Variants in SLC29A4 observed in about 807,000 individuals in gnomAD.
SLC29A4 encodes the protein solute carrier family 29 member 4.
SLC29A4 carries 36 observed loss-of-function variants against 43.9 expected under a neutral mutation model. The ratio of observed to expected loss-of-function variants is 0.82; its 90% CI spans 0.63 to 1.08. The LOEUF (loss-of-function observed/expected upper bound fraction) is 1.08, where lower values mean the gene tolerates loss of function less well. SLC29A4 is among the 50% of genes least tolerant of loss of function. The pLI, the probability that SLC29A4 is intolerant of heterozygous loss-of-function variation, is 0.00. For synonymous variants in SLC29A4, 491 were observed against 338.0 expected (o/e 1.45, Z -4.97); for missense variants, 869 against 755.3 (o/e 1.15, Z -1.77).
At chr7:5,302,733 G>T in intron 10 of SLC29A4, 64 bp from the exon 11 acceptor site, 3 of 1,500,044 alleles carry the variant, frequency 2.0e-6, no homozygotes, top group South Asian at 2.5e-5. Flanking sequence ...CCTCACACCC[G>T]AGCAGCCGTG....
intron 5 of SLC29A4, 58 bp downstream of exon 5, chr7:5,291,879 C>T (rs1785332857): frequency 6.4e-7 from 1 of 1,564,606 alleles, no homozygotes; most frequent in African/African-American, 1.4e-5. Flanking sequence ...CCCATCCCAC[C>T]CCAGCCCTGG....
intron 2 of SLC29A4, among the ~76,000 whole-genome samples, chr7:5,288,552 A>G (rs961238651): frequency 2.0e-5 from 3 of 151,858 alleles, no homozygotes; most frequent in African/African-American, 4.8e-5. Context: ...TCGGCCTCCC[A>G]AAGTGCTAGG....
chr7:5,302,765 C>T, intron 10 of SLC29A4, 32 bp from the exon 11 acceptor site: 2 of 1,539,320 alleles, frequency 1.3e-6, no homozygotes, highest in Non-Finnish European at 1.8e-6. Context: ...GCCGCCCTGG[C>T]CCTGCTCCCC....
chr7:5,301,954 A>AT (rs199939938), intron 10 of SLC29A4, among the ~76,000 whole-genome samples: 4,173 of 151,280 alleles, frequency 0.028, 202 homozygotes, highest in African/African-American at 0.096. Context: ...GAGAGTGGAG[A>AT]TTTTTTTTTC....
intron 9 of SLC29A4, among the ~76,000 whole-genome samples, chr7:5,299,957 C>T (rs1256716702): frequency 6.6e-6 from 1 of 152,136 alleles, no homozygotes; most frequent in East Asian, 1.9e-4. Flanking sequence ...GAAGCTGAGG[C>T]AGGAGAATCG....
chr7:5,287,683 T>G, intron 1 of SLC29A4, 126 bp from the exon 2 acceptor site: 1 of 959,010 alleles, frequency 1.0e-6, no homozygotes, highest in South Asian at 1.8e-5. Context: ...CATAGCTTGC[T>G]TTGGCCAACG....
At chr7:5,297,309 TCTC>T in intron 7 of SLC29A4, 111 bp downstream of exon 7, 3 of 1,268,324 alleles carry the variant, frequency 2.4e-6, no homozygotes, top group Non-Finnish European at 2.1e-6. Context: ...CAGACTGTGG[TCTC>T]CTCCTGTGGT....
At position 5,300,649 on chromosome 7, in the gene SLC29A4, GC is replaced by G. The variant is rs1562456415; in HGVS notation, c.1438del (p.Arg480GlyfsTer8). ...CGGCAGGCAAAGTGAGCCCCAAGCA[GC>G]GGGAGCTGGCAGGTGAGGCCCGCGG... Reference protein sequence around the residue: ...LAAGKVSPKQRELAGNTMTVS... With the variant: ...LAAGKVSPKQXELAGNTMTVS... On this transcript the variant is annotated frameshift_variant, in exon 10 of 11. Coordinates refer to ENST00000396872, the MANE Select transcript of SLC29A4 (RefSeq NM_153247.4). LOFTEE classifies it high-confidence loss of function. 2.5e-6 allele frequency: 4 copies of G among 1,608,658 alleles called. No homozygotes were observed. The highest frequency in any genetic ancestry group is 3.4e-6 in the Non-Finnish European group (4 of 1,178,864).
intron 8 of SLC29A4, 53 bp from the exon 9 acceptor site, chr7:5,299,186 GC>G (rs1785952357): frequency 6.3e-7 from 1 of 1,597,300 alleles, no homozygotes; most frequent in South Asian, 1.1e-5. Context: ...GGTGGGGGAG[GC>G]AGGCAGGGGT....
Position 5,292,690 on chromosome 7 carries a change from C to CTTTTTTTTTTTTTTTTTT in SLC29A4, c.544+880_544+897dup, listed in dbSNP as rs1056329272. ...TTCTACCAGCCAAGACATTTTTTTC[C>CTTTTTTTTTTTTTTTTTT]TTTTTTTTTTTTTTTTTTTTTTTTT... On this transcript the variant is annotated intron_variant, in intron 5 of 10. Transcript: ENST00000396872. Among the ~76,000 whole-genome samples the CTTTTTTTTTTTTTTTTTT allele has an allele frequency of 2.8e-4, 19 of 67,414 alleles. 4 individuals carry two copies. Among genetic ancestry groups the CTTTTTTTTTTTTTTTTTT allele is most frequent in the East Asian group, 1.1e-3 (2 of 1,760 alleles). 44.2% of individuals were successfully genotyped at this position (67,414 alleles called of 152,430 possible).
chr7:5,283,478 C>T (rs1307079242), intron 1 of SLC29A4, among the ~76,000 whole-genome samples: 1 of 151,368 alleles, frequency 6.6e-6, no homozygotes, highest in African/African-American at 2.5e-5. Flanking sequence ...TCCGGGGTCA[C>T]CTCGGGACGG....
chr7:5,293,128 C>G (rs1370293755), intron 5 of SLC29A4, among the ~76,000 whole-genome samples: 2 of 151,102 alleles, frequency 1.3e-5, no homozygotes, highest in Non-Finnish European at 2.9e-5. Context: ...TTGCAAGGGT[C>G]CAGGCCAGGC....
At chr7:5,300,223 C>A (rs915159131) in intron 9 of SLC29A4, among the ~76,000 whole-genome samples, 199 bp from the exon 10 acceptor site, 14 of 152,108 alleles carry the variant, frequency 9.2e-5, no homozygotes, top group Admixed American at 7.9e-4. Context: ...TAGACCGATA[C>A]ACTGACTCTA....
chr7:5,288,193 G>A (rs539737463), intron 2 of SLC29A4, among the ~76,000 whole-genome samples: 1 of 152,058 alleles, frequency 6.6e-6, no homozygotes, highest in African/African-American at 2.4e-5. Flanking sequence ...CCTGCTGGGG[G>A]CCCTGCCGAC....
At chr7:5,286,249 A>G (rs1057473793) in intron 1 of SLC29A4, among the ~76,000 whole-genome samples, 1 of 151,960 alleles carries the variant, frequency 6.6e-6, no homozygotes. Context: ...CATAGGCTGG[A>G]TGTGGTGGCT....
intron 9 of SLC29A4, 111 bp from the exon 10 acceptor site, chr7:5,300,311 G>A: frequency 6.6e-7 from 1 of 1,518,704 alleles, no homozygotes; most frequent in Non-Finnish European, 8.9e-7. Context: ...AGGCTGAGCT[G>A]GACAGGCCCA....
Position 5,291,641 on chromosome 7 carries a change from G to A in SLC29A4, c.416-52G>A. 4.6e-6 allele frequency: 7 copies of A among 1,538,188 alleles called. No homozygotes were observed. In the South Asian group the frequency reaches 7.4e-5, roughly 16 times the overall value. The stretch of plus-strand genomic sequence containing the variant: ...CTGCAGGAGGGGCGAGGAGGAGGGG[G>A]ACCCCACCCAGTTGGCTCCACCACT... On this transcript the variant is annotated intron_variant, in intron 4 of 10. Coordinates refer to ENST00000396872, the MANE Select transcript of SLC29A4 (RefSeq NM_153247.4).
intron 10 of SLC29A4, among the ~76,000 whole-genome samples, chr7:5,301,263 A>G (rs750590551): frequency 6.1e-4 from 86 of 141,200 alleles, no homozygotes; most frequent in Non-Finnish European, 1.0e-3. Flanking sequence ...CTGTCTGGGG[A>G]AAAAAAAAAA....
chr7:5,287,784 GCT>G (rs752725965), intron 1 of SLC29A4, 23 bp from the exon 2 acceptor site: 25 of 1,603,970 alleles, frequency 1.6e-5, no homozygotes, highest in Non-Finnish European at 2.1e-5. Context: ...TCCCTCACCT[GCT>G]CTCTCTGCTT....
Sources: allele counts gnomAD v4.1 joint callset (sites outside exome capture counted in the v4.1 genomes callset), GRCh38; gene constraint gnomAD v4.1.1; transcripts MANE v1.5; gene names NCBI Gene and HGNC (gene_info 2026-07-23, HGNC 2026-07-21).